Variants in ACBD6 observed in about 807,000 individuals in gnomAD.
The protein encoded by ACBD6 is acyl-CoA binding domain containing 6.
Under a neutral mutation model 37.2 loss-of-function variants are expected in ACBD6, and 28 were observed. That is an observed-to-expected ratio of 0.75 (90% confidence interval 0.56 to 1.03). The LOEUF (loss-of-function observed/expected upper bound fraction) is 1.03. Ranked by LOEUF, ACBD6 falls within the 50% of genes least tolerant of loss-of-function variation. ACBD6 has a pLI of 0.00. For missense variants in ACBD6, 340 were observed against 337.4 expected (o/e 1.01, Z -0.06); for synonymous variants, 113 against 126.8 (o/e 0.89, Z 0.73).
intron 7 of ACBD6, among the ~76,000 whole-genome samples, chr1:180,294,434 A>G (rs1426875792): frequency 6.6e-6 from 1 of 151,956 alleles, no homozygotes; most frequent in Non-Finnish European, 1.5e-5. Context: ...GCTACTCCGG[A>G]GGCTGAGGCA....
intron 7 of ACBD6, among the ~76,000 whole-genome samples, chr1:180,298,071 AT>A (rs2149282062): frequency 6.6e-6 from 1 of 152,302 alleles, no homozygotes; most frequent in Non-Finnish European, 1.5e-5. Context: ...CAACATTTTA[AT>A]TTTAAACTTC....
At chr1:180,358,464 AC>A (rs1652715441) in intron 6 of ACBD6, among the ~76,000 whole-genome samples, 1 of 151,184 alleles carries the variant, frequency 6.6e-6, no homozygotes, top group Non-Finnish European at 1.5e-5. Flanking sequence ...AAAAAACCTC[AC>A]AGCATTTTAG....
At chr1:180,399,990 T>C (rs1173322739) in intron 5 of ACBD6, among the ~76,000 whole-genome samples, 1 of 152,222 alleles carries the variant, frequency 6.6e-6, no homozygotes, top group Non-Finnish European at 1.5e-5. Context: ...TAATATGTCT[T>C]GTACTTTTAC....
At chr1:180,370,847 AGAG>A (rs1398759977) in intron 6 of ACBD6, among the ~76,000 whole-genome samples, 2 of 148,254 alleles carry the variant, frequency 1.3e-5, no homozygotes, top group African/African-American at 4.9e-5. Context: ...TTGCCATCAG[AGAG>A]GAGTTGTTTT....
At chr1:180,305,143 A>T (rs1268823066) in intron 7 of ACBD6, among the ~76,000 whole-genome samples, 1 of 152,138 alleles carries the variant, frequency 6.6e-6, no homozygotes, top group Non-Finnish European at 1.5e-5. Flanking sequence ...AACCATAAAA[A>T]CCCTAGATTA....
chr1:180,408,706 C>T (rs181659763), intron 5 of ACBD6, among the ~76,000 whole-genome samples: 74 of 151,836 alleles, frequency 4.9e-4, no homozygotes, highest in African/African-American at 1.7e-3. Flanking sequence ...GATATAATTA[C>T]GTTAGGAGGG....
At chr1:180,444,383 C>T (rs1649400421) in intron 3 of ACBD6, among the ~76,000 whole-genome samples, 1 of 152,018 alleles carries the variant, frequency 6.6e-6, no homozygotes, top group African/African-American at 2.4e-5. Flanking sequence ...ATTCCCCTTT[C>T]CTGGGATTAG....
intron 9 of ACBD6, chr1:180,277,096 C>T (rs1649081192): frequency 6.6e-6 from 1 of 152,076 alleles, no homozygotes; most frequent in African/African-American, 2.4e-5. Context: ...CTTTGTTTTC[C>T]AGAGCCACCT....
intron 3 of ACBD6, among the ~76,000 whole-genome samples, chr1:180,478,971 A>G (rs1650913295): frequency 6.6e-6 from 1 of 152,074 alleles, no homozygotes; most frequent in Non-Finnish European, 1.5e-5. Flanking sequence ...TACCAAAGAA[A>G]AAGAAAAAGA....
In ACBD6 at chr1:180,359,098, GA is replaced by G. The variant is rs529204153; in HGVS notation, c.663+38417del. On this transcript the variant is annotated intron_variant, in intron 6 of 7. Coordinates refer to ENST00000367595, the MANE Select transcript of ACBD6 (RefSeq NM_032360.4). The stretch of plus-strand genomic sequence containing the variant: ...TCTAGGGAAATGCAGAACGGCTCCA[GA>G]AAAGTGCTGATTACCTGATTTCATT... 3.3e-3 allele frequency among the ~76,000 whole-genome samples: 508 copies of G among 152,290 alleles called. 1 individual carries two copies. Among genetic ancestry groups the G allele is most frequent in the Non-Finnish European group, 5.2e-3 (353 of 68,024 alleles).
intron 8 of ACBD6, among the ~76,000 whole-genome samples, chr1:180,282,972 GTTTTT>G (rs34828086): frequency 2.3e-4 from 25 of 110,020 alleles, no homozygotes; most frequent in Non-Finnish European, 3.3e-4. Flanking sequence ...ATGTCTTTCT[GTTTTT>G]TTTTTTTTTT....
At chr1:180,435,584 A>T in intron 3 of ACBD6, 2 of 1,055,902 alleles carry the variant, frequency 1.9e-6, no homozygotes, top group Non-Finnish European at 2.9e-6. Flanking sequence ...GTCCCGAGTA[A>T]CCCAGAGCAA....
At chr1:180,396,871 T>C (rs1571453387) in intron 6 of ACBD6, among the ~76,000 whole-genome samples, 2 of 152,316 alleles carry the variant, frequency 1.3e-5, no homozygotes, top group African/African-American at 2.4e-5. Context: ...GTAGCTCCTA[T>C]GGAAAACAGT....
chr1:180,335,578 C>T (rs1219060276), intron 6 of ACBD6, among the ~76,000 whole-genome samples: 8 of 151,954 alleles, frequency 5.3e-5, no homozygotes, highest in Non-Finnish European at 7.4e-5. Flanking sequence ...TAAAGACCAT[C>T]GAGGCTATGA....
rs1418196366 is a variant in ACBD6 at position 180,492,270 on chromosome 1, T to C, written c.383A>G (p.Gln128Arg). ...TTATTTATAATCATTAAGTCTTACC[T>C]GAGGATTCCAACCTGGATCTAGTTT... ...VKKLDPGWNPQIPEKKGKEAN... is the reference protein window; with the variant it reads ...VKKLDPGWNPRIPEKKGKEAN... Residue 128 changes from glutamine to arginine, a missense_variant and splice_region_variant, in exon 3 of 8, where the codon CAG becomes CGG. Coordinates refer to ENST00000367595, the MANE Select transcript of ACBD6 (RefSeq NM_032360.4). 2 of 1,611,848 alleles carry C rather than the reference T, an allele frequency of 1.2e-6. No homozygotes were observed. Among genetic ancestry groups the C allele is most frequent in the East Asian group, 4.5e-5 (2 of 44,850 alleles).
At chr1:180,337,938 T>C (rs1238432119) in intron 6 of ACBD6, among the ~76,000 whole-genome samples, 1 of 152,162 alleles carries the variant, frequency 6.6e-6, no homozygotes, top group Non-Finnish European at 1.5e-5. Context: ...GAATACAACT[T>C]ACAAGGGATG....
At chr1:180,296,563 G>C (rs1275673447) in intron 7 of ACBD6, among the ~76,000 whole-genome samples, 1 of 152,102 alleles carries the variant, frequency 6.6e-6, no homozygotes, top group Non-Finnish European at 1.5e-5. Flanking sequence ...CTGAGTAGGT[G>C]AGATTACTGG....
intron 6 of ACBD6, among the ~76,000 whole-genome samples, chr1:180,319,507 T>C (rs1223215830): frequency 2.6e-5 from 4 of 152,154 alleles, no homozygotes; most frequent in Non-Finnish European, 5.9e-5. Flanking sequence ...AGCAATCCAA[T>C]TGTGCTTTTA....
chr1:180,408,954 C>A (rs149974529), intron 5 of ACBD6, among the ~76,000 whole-genome samples: 3 of 151,892 alleles, frequency 2.0e-5, no homozygotes, highest in African/African-American at 7.3e-5. Context: ...CTCAGGAGTT[C>A]GAGACCAGCC....
Sources: gnomAD v4.1 joint callset for allele counts (sites outside exome capture counted in the v4.1 genomes callset) on GRCh38, gnomAD v4.1.1 for gene constraint, MANE v1.5 for transcripts, NCBI Gene and HGNC (gene_info 2026-07-23, HGNC 2026-07-21) for gene names.